The following CCDC91 variants were observed in gnomAD, a reference collection of about 807,000 sequenced individuals.
CCDC91 encodes the protein coiled-coil domain containing 91, also known as coiled-coil domain-containing protein 91.
Under a neutral mutation model 63.2 loss-of-function variants are expected in CCDC91, and 48 were observed. That is an observed-to-expected ratio of 0.76 (90% CI 0.60 to 0.97). The LOEUF is 0.97. CCDC91 is among the 50% of genes least tolerant of loss of function. The probability of loss-of-function intolerance (pLI) is 0.00; values close to 1 mark genes in which losing one functional copy is unlikely to be tolerated. For missense variants in CCDC91, 500 were observed against 494.6 expected (o/e 1.01, Z -0.10); for synonymous variants, 167 against 165.8 (o/e 1.01, Z -0.06).
chr12:28,335,423 A>T (rs1052875150), intron 6 of CCDC91, among the ~76,000 whole-genome samples: 4 of 144,540 alleles, frequency 2.8e-5, no homozygotes, highest in African/African-American at 1.0e-4. Context: ...AAAAATACAT[A>T]TATATATATT....
chr12:28,349,686 A>C (rs866615340), intron 6 of CCDC91, among the ~76,000 whole-genome samples: 7 of 152,074 alleles, frequency 4.6e-5, no homozygotes, highest in Non-Finnish European at 8.8e-5. Flanking sequence ...ATTCAGGCTA[A>C]ACAGGAAAGA....
chr12:28,348,408 C>T (rs555249753), intron 6 of CCDC91, among the ~76,000 whole-genome samples: 1 of 152,192 alleles, frequency 6.6e-6, no homozygotes, highest in Non-Finnish European at 1.5e-5. Context: ...CGTACCCACT[C>T]ATGTCGTAGA....
At chr12:28,376,525 C>T (rs780926778) in intron 7 of CCDC91, among the ~76,000 whole-genome samples, 14 of 151,570 alleles carry the variant, frequency 9.2e-5, no homozygotes, top group Non-Finnish European at 1.8e-4. Context: ...TAAGTGATCA[C>T]AGTAAGAAAA....
intron 8 of CCDC91, among the ~76,000 whole-genome samples, chr12:28,436,910 A>G (rs1393708875): frequency 1.3e-5 from 2 of 151,888 alleles, no homozygotes; most frequent in African/African-American, 4.8e-5. Flanking sequence ...AAGATTTTAT[A>G]TTAAAATTGT....
At chr12:28,269,671 G>T (rs1468640605) in intron 3 of CCDC91, among the ~76,000 whole-genome samples, 3 of 152,012 alleles carry the variant, frequency 2.0e-5, no homozygotes, top group African/African-American at 7.2e-5. Flanking sequence ...AAATGTGTAG[G>T]ATTTATGTTT....
At chr12:28,436,958 T>G (rs1426394041) in intron 8 of CCDC91, among the ~76,000 whole-genome samples, 2 of 151,820 alleles carry the variant, frequency 1.3e-5, no homozygotes, top group African/African-American at 4.8e-5. Context: ...CAGAAATCTT[T>G]TTTTTTTGAG....
chr12:28,317,544 GA>G (rs919245751), intron 6 of CCDC91, among the ~76,000 whole-genome samples: 2 of 151,646 alleles, frequency 1.3e-5, no homozygotes, highest in African/African-American at 4.8e-5. Context: ...TTGTTGAAAT[GA>G]AAAAAATGTT....
At chr12:28,547,437 A>G (rs550177635) in intron 12 of CCDC91, among the ~76,000 whole-genome samples, 39 of 152,138 alleles carry the variant, frequency 2.6e-4, no homozygotes, top group Non-Finnish European at 5.0e-4. Flanking sequence ...ATCTTGATTC[A>G]CTCAATCTCA....
chr12:28,507,732 A>G (rs1383614213), intron 12 of CCDC91, among the ~76,000 whole-genome samples: 1 of 151,964 alleles, frequency 6.6e-6, no homozygotes, highest in Non-Finnish European at 1.5e-5. Flanking sequence ...GTACTAGTAC[A>G]GTCTTACCAG....
chr12:28,474,032 TA>T (rs1284200783), intron 11 of CCDC91, among the ~76,000 whole-genome samples: 8 of 151,966 alleles, frequency 5.3e-5, no homozygotes, highest in Non-Finnish European at 7.4e-5. Flanking sequence ...TGAAGGATTT[TA>T]AATTTTGTAA....
intron 3 of CCDC91, among the ~76,000 whole-genome samples, chr12:28,278,097 T>C (rs1295790797): frequency 6.6e-6 from 1 of 152,134 alleles, no homozygotes; most frequent in Non-Finnish European, 1.5e-5. Context: ...GCTCTTTCTC[T>C]ACTGAGCTTT....
chr12:28,359,782 C>CTTTCTTT (rs1565853546), intron 6 of CCDC91, among the ~76,000 whole-genome samples: 2 of 152,086 alleles, frequency 1.3e-5, no homozygotes, highest in African/African-American at 4.8e-5. Flanking sequence ...CAGAATATTT[C>CTTTCTTT]TATTTACTTT....
At chr12:28,358,169 A>G (rs985444100) in intron 6 of CCDC91, among the ~76,000 whole-genome samples, 1 of 152,216 alleles carries the variant, frequency 6.6e-6, no homozygotes, top group African/African-American at 2.4e-5. Flanking sequence ...TTTAACAGAT[A>G]GAGAAATGTA....
At chr12:28,427,696 G>T (rs1948401623) in intron 8 of CCDC91, among the ~76,000 whole-genome samples, 1 of 152,166 alleles carries the variant, frequency 6.6e-6, no homozygotes, top group African/African-American at 2.4e-5. Context: ...AAATTTTGAA[G>T]TGGCAGTTTG....
intron 3 of CCDC91, among the ~76,000 whole-genome samples, chr12:28,273,111 T>G (rs1947899878): frequency 6.6e-6 from 1 of 151,830 alleles, no homozygotes; most frequent in Non-Finnish European, 1.5e-5. Context: ...GTCCTTCTGA[T>G]AGTTTGCTGA....
intron 8 of CCDC91, among the ~76,000 whole-genome samples, chr12:28,416,555 A>G (rs1344534159): frequency 6.6e-6 from 1 of 152,142 alleles, no homozygotes. Context: ...GAAAGGATAC[A>G]TCAAGGATAG....
intron 1 of CCDC91, among the ~76,000 whole-genome samples, chr12:28,205,259 G>T (rs10843131): frequency 0.26 from 39,548 of 151,328 alleles, 5,425 homozygotes; most frequent in Non-Finnish European, 0.31. Context: ...TTTTTAACAT[G>T]CAAGTCTAAT....
At chr12:28,450,042 C>A (rs188474583) in intron 8 of CCDC91, 119 bp from the exon 9 acceptor site, 2 of 574,450 alleles carry the variant, frequency 3.5e-6, no homozygotes, top group Admixed American at 3.1e-5. Context: ...GGGAAATTCT[C>A]ATTTTTTCCT....
intron 6 of CCDC91, among the ~76,000 whole-genome samples, chr12:28,344,209 T>C (rs1942644617): frequency 6.6e-6 from 1 of 152,104 alleles, no homozygotes; most frequent in African/African-American, 2.4e-5. Flanking sequence ...CTTAAAAAAA[T>C]CTTACTTGGA....
Sources: gnomAD v4.1 joint callset for allele counts (sites outside exome capture counted in the v4.1 genomes callset) on GRCh38, gnomAD v4.1.1 for gene constraint, MANE v1.5 for transcripts, NCBI Gene and HGNC (gene_info 2026-07-23, HGNC 2026-07-21) for gene names.